The following MTR variants were observed in gnomAD, a reference collection of about 807,000 sequenced individuals.
MTR encodes 5-methyltetrahydrofolate-homocysteine methyltransferase.
A neutral mutation model predicts 154.8 loss-of-function variants in MTR; 84 were observed. The observed-to-expected ratio is 0.54, with a 90% CI of 0.45 to 0.65. MTR has a LOEUF of 0.65. MTR is among the 30% of genes least tolerant of loss of function. The pLI, the probability that MTR is intolerant of heterozygous loss-of-function variation, is 0.00. For synonymous variants in MTR, 554 were observed against 553.9 expected (o/e 1.00, Z 0.00); for missense variants, 1,275 against 1,570.2 (o/e 0.81, Z 3.18).
At chr1:236,816,337 C>G (rs1454902571) in intron 7 of MTR, 112 bp from the exon 8 acceptor site, 2 of 930,818 alleles carry the variant, frequency 2.1e-6, no homozygotes, top group African/African-American at 3.2e-5. Flanking sequence ...TTCCACATTT[C>G]TTTTCCTTGT....
chr1:236,839,468 G>A (rs1036957006), intron 15 of MTR, among the ~76,000 whole-genome samples: 3 of 152,132 alleles, frequency 2.0e-5, no homozygotes, highest in African/African-American at 7.2e-5. Context: ...AAGAAATAAT[G>A]AGATTAGTTT....
Position 236,836,363 on chromosome 1 carries a change from G to A in MTR, c.1329+676G>A, listed in dbSNP as rs61831816. Among the ~76,000 whole-genome samples, 261 of 151,904 alleles carry A rather than the reference G, an allele frequency of 1.7e-3. 1 individual carries two copies. Among genetic ancestry groups the A allele is most frequent in the Non-Finnish European group, 2.7e-3 (185 of 67,964 alleles). On this transcript the variant is annotated intron_variant, in intron 14 of 32. Transcript: ENST00000366577. ...TGCAACCTCAGGCTTCTCCCACTTCGGCTTCCTGAGTAGCTGGGACCACAG... is the reference window on the plus strand; with the variant it reads ...TGCAACCTCAGGCTTCTCCCACTTCAGCTTCCTGAGTAGCTGGGACCACAG...
At chr1:236,802,461 C>A (rs994436383) in intron 1 of MTR, among the ~76,000 whole-genome samples, 3 of 151,812 alleles carry the variant, frequency 2.0e-5, no homozygotes, top group Admixed American at 6.6e-5. Flanking sequence ...TGAGGTGGAA[C>A]TGTGGGAGTG....
At chr1:236,861,616 T>C (rs1031824665) in intron 20 of MTR, among the ~76,000 whole-genome samples, 1 of 152,208 alleles carries the variant, frequency 6.6e-6, no homozygotes, top group Non-Finnish European at 1.5e-5. Flanking sequence ...TAAGACTTGA[T>C]TTGACCAGGC....
chr1:236,815,288 C>G (rs1661523066), intron 6 of MTR, among the ~76,000 whole-genome samples: 1 of 152,180 alleles, frequency 6.6e-6, no homozygotes, highest in South Asian at 2.1e-4. Context: ...GTCTCAGCCT[C>G]CTGAGTGTTA....
At chr1:236,883,124 C>A (rs1478567029) in intron 25 of MTR, among the ~76,000 whole-genome samples, 1 of 152,090 alleles carries the variant, frequency 6.6e-6, no homozygotes, top group Non-Finnish European at 1.5e-5. Flanking sequence ...ATATTTTATT[C>A]TTTTTAAATT....
intron 10 of MTR, 99 bp from the exon 11 acceptor site, chr1:236,826,730 A>G (rs1461575771): frequency 5.6e-6 from 5 of 885,360 alleles, no homozygotes; most frequent in African/African-American, 1.6e-5. Context: ...GTATAGTCTT[A>G]GTTATTCAGG....
At chr1:236,855,761 T>A (rs1664169059) in intron 18 of MTR, among the ~76,000 whole-genome samples, 1 of 152,224 alleles carries the variant, frequency 6.6e-6, no homozygotes, top group South Asian at 2.1e-4. Context: ...CAGATGGACA[T>A]GACAATTGCT....
chr1:236,816,322 T>G, intron 7 of MTR, 127 bp from the exon 8 acceptor site: 2 of 822,356 alleles, frequency 2.4e-6, no homozygotes, highest in Non-Finnish European at 4.2e-6. Flanking sequence ...CCCTTTGAAT[T>G]TGAGTTCCAC....
At chr1:236,887,537 T>A (rs1188290640) in intron 27 of MTR, among the ~76,000 whole-genome samples, 1 of 152,236 alleles carries the variant, frequency 6.6e-6, no homozygotes, top group Non-Finnish European at 1.5e-5. Context: ...ATTGGAATAA[T>A]AACACAAGGG....
At position 236,903,871 on chromosome 1, in the gene MTR, G is replaced by A. The variant is rs1400981280; in HGVS notation, c.*6227G>A. The stretch of plus-strand genomic sequence containing the variant: ...TTAATCATGTGACATTGTTTATCTT[G>A]GATTAAAAGAAAAGAAAATGTATTT... On this transcript the variant is annotated 3_prime_UTR_variant, in exon 33 of 33. Transcript: ENST00000366577. The A allele has an allele frequency of 6.6e-6, 1 of 151,750 alleles. No homozygotes were observed. The highest frequency in any genetic ancestry group is 1.5e-5 in the Non-Finnish European group (1 of 67,956). 9.4% of individuals were successfully genotyped at this position (151,750 alleles called of 1,614,324 possible).
intron 6 of MTR, among the ~76,000 whole-genome samples, chr1:236,814,696 C>T (rs1393889241): frequency 6.6e-6 from 1 of 152,152 alleles, no homozygotes; most frequent in African/African-American, 2.4e-5. Flanking sequence ...CACTACTGCA[C>T]CATTTACCAC....
At chr1:236,885,606 A>G (rs927911678) in intron 26 of MTR, among the ~76,000 whole-genome samples, 2 of 152,236 alleles carry the variant, frequency 1.3e-5, no homozygotes, top group Non-Finnish European at 2.9e-5. Context: ...AAATGGAGAC[A>G]TGAGGCAGGA....
In MTR at chr1:236,899,225, A is replaced by G. The variant is rs1416520281; in HGVS notation, c.*1581A>G. 1 of 152,234 alleles carries G rather than the reference A, an allele frequency of 6.6e-6. No individual in the cohort carries two copies. Among genetic ancestry groups the G allele is most frequent in the Non-Finnish European group, 1.5e-5 (1 of 68,034 alleles). 9.4% of individuals were successfully genotyped at this position (152,234 alleles called of 1,614,324 possible). A position where few individuals can be genotyped will look rare whatever the true frequency, so the allele number is the denominator to read the frequency against. ...TATATGGAGTAGCAAAGGACTTAAAATTACCAAATGCTTCTAAATATGAAG... is the reference window on the plus strand; with the variant it reads ...TATATGGAGTAGCAAAGGACTTAAAGTTACCAAATGCTTCTAAATATGAAG... On this transcript the variant is annotated 3_prime_UTR_variant, in exon 33 of 33. Coordinates refer to ENST00000366577, the MANE Select transcript of MTR (RefSeq NM_000254.3).
chr1:236,802,150 A>T lies in MTR; in HGVS notation c.35-1278A>T, dbSNP rs373722303. 4.6e-5 allele frequency among the ~76,000 whole-genome samples: 7 copies of T among 152,312 alleles called. 1 individual carries two copies. In the East Asian group the frequency reaches 1.3e-3, roughly 29 times the overall value. On this transcript the variant is annotated intron_variant, in intron 1 of 32. Transcript: ENST00000366577. ...GGGATCTAAGTAGATGTTGGTTATC[A>T]GGGAGAATAAGGAGTCAGATAATAC...
At chr1:236,872,925 C>T (rs561733185) in intron 22 of MTR, among the ~76,000 whole-genome samples, 2 of 152,302 alleles carry the variant, frequency 1.3e-5, no homozygotes, top group African/African-American at 2.4e-5. Context: ...GTCAAGGCTG[C>T]AGTGAGCCGT....
At chr1:236,807,306 T>TG (rs1661040005) in intron 3 of MTR, among the ~76,000 whole-genome samples, 1 of 152,206 alleles carries the variant, frequency 6.6e-6, no homozygotes, top group Non-Finnish European at 1.5e-5. Context: ...TCCAAGTAGC[T>TG]GGGGCTACAG....
intron 22 of MTR, among the ~76,000 whole-genome samples, chr1:236,869,143 C>G (rs2103343673): frequency 6.6e-6 from 1 of 152,330 alleles, no homozygotes; most frequent in African/African-American, 2.4e-5. Context: ...CAGCAAGTAT[C>G]AGGTACCTTA....
intron 22 of MTR, among the ~76,000 whole-genome samples, chr1:236,865,405 T>C (rs1004289218): frequency 6.6e-6 from 1 of 152,196 alleles, no homozygotes; most frequent in African/African-American, 2.4e-5. Flanking sequence ...TCCCTGGAGA[T>C]TGTCTTATGG....
Sources: allele counts gnomAD v4.1 joint callset (sites outside exome capture counted in the v4.1 genomes callset), GRCh38; gene constraint gnomAD v4.1.1; transcripts MANE v1.5; gene names NCBI Gene and HGNC (gene_info 2026-07-23, HGNC 2026-07-21).